PAX5: variants seen among roughly 807,000 people sequenced by gnomAD.
PAX5 encodes paired box 5.
Under a neutral mutation model 43.7 loss-of-function variants are expected in PAX5, and 9 were observed. That is an observed-to-expected ratio of 0.21 (90% CI 0.12 to 0.36). The LOEUF is 0.36. PAX5 is among the 10% of genes least tolerant of loss of function. PAX5 has a pLI of 1.00. For missense variants in PAX5, 383 were observed against 532.7 expected (o/e 0.72, Z 2.77); for synonymous variants, 228 against 214.3 (o/e 1.06, Z -0.56).
chr9:36,961,509 C>G (rs1439821122), intron 6 of PAX5, among the ~76,000 whole-genome samples: 1 of 152,234 alleles, frequency 6.6e-6, no homozygotes, highest in Admixed American at 6.5e-5. Context: ...GTTTCTATTA[C>G]AGCCAGGAGG....
In PAX5 at chr9:36,841,756, C is replaced by T. The variant is rs1822075519; in HGVS notation, c.1100-1120G>A. Among the ~76,000 whole-genome samples the T allele has an allele frequency of 2.0e-5, 3 of 152,194 alleles. No individual in the cohort carries two copies. In the South Asian group the frequency reaches 6.2e-4, roughly 32 times the overall value. On this transcript the variant is annotated intron_variant, in intron 9 of 9. Transcript: ENST00000358127. ...TTCATTCATTAACTCATTCATTCAC[C>T]ACTCATTTCCTGACCCTGCTGGGGG...
intron 6 of PAX5, among the ~76,000 whole-genome samples, chr9:36,964,213 G>A (rs567499324): frequency 1.3e-5 from 2 of 152,000 alleles, no homozygotes; most frequent in African/African-American, 4.8e-5. Flanking sequence ...CCCGGGAGGT[G>A]GAGCTTGCAG....
rs530478840 is a variant in PAX5 at position 36,839,692 on chromosome 9, C to T, written c.*868G>A. ...TTGGCTGGGATCAGATGATCTCCTG[C>T]GTCCCATCCAGCCCTCACATTCAAA... is the stretch of plus-strand genomic sequence containing the variant. On this transcript the variant is annotated 3_prime_UTR_variant, in exon 10 of 10. Transcript: ENST00000358127. 1.3e-4 allele frequency: 30 copies of T among 233,324 alleles called. No individual in the cohort carries two copies. The highest frequency in any genetic ancestry group is 2.6e-4 in the African/African-American group (12 of 45,458). 14.5% of individuals were successfully genotyped at this position (233,324 alleles called of 1,614,324 possible).
In PAX5 at chr9:36,882,037, AGCT is replaced by A; in HGVS notation, c.976_978del (p.Ser326del). On this transcript the variant is annotated inframe_deletion, in exon 8 of 10. Coordinates refer to ENST00000358127, the MANE Select transcript of PAX5 (RefSeq NM_016734.3). The surrounding 1 kb of genome is among the most constrained non-coding windows in gnomAD (Gnocchi z 4.4). The stretch of plus-strand genomic sequence containing the variant: ...ATCCCTGTCAGCGTCGGTGCTGAGT[AGCT>A]GCCCTGTCCAGCGGGGGGGACGTGT... 6.2e-7 allele frequency: 1 copy of A among 1,613,180 alleles called. No individual in the cohort carries two copies. Among genetic ancestry groups the A allele is most frequent in the Non-Finnish European group, 8.5e-7 (1 of 1,179,502 alleles).
chr9:36,855,176 G>A (rs1823543728), intron 8 of PAX5, among the ~76,000 whole-genome samples: 1 of 152,244 alleles, frequency 6.6e-6, no homozygotes, highest in African/African-American at 2.4e-5. Context: ...CCACCAGCTG[G>A]CCATCCATCA....
chr9:36,976,048 G>A (rs1350830510), intron 5 of PAX5, among the ~76,000 whole-genome samples: 2 of 152,154 alleles, frequency 1.3e-5, no homozygotes, highest in Admixed American at 6.5e-5. Flanking sequence ...CTCAGGAGTG[G>A]CTTCTATTAT....
chr9:36,840,831 C>T (rs753284892), intron 9 of PAX5, among the ~76,000 whole-genome samples, 195 bp from the exon 10 acceptor site: 16 of 152,180 alleles, frequency 1.1e-4, no homozygotes, highest in African/African-American at 1.4e-4. Flanking sequence ...CGAGGCTCTT[C>T]GCCATCTAGA....
At chr9:36,986,443 G>T (rs551603130) in intron 5 of PAX5, among the ~76,000 whole-genome samples, 1 of 151,984 alleles carries the variant, frequency 6.6e-6, no homozygotes, top group Non-Finnish European at 1.5e-5. Flanking sequence ...GCTTCCTGCC[G>T]CCAATGTCAA....
At chr9:37,009,773 C>T (rs1217962636) in intron 3 of PAX5, among the ~76,000 whole-genome samples, 1 of 141,634 alleles carries the variant, frequency 7.1e-6, no homozygotes, top group African/African-American at 2.8e-5. Context: ...CATACCTGTA[C>T]CAAAATATCT....
intron 1 of PAX5, among the ~76,000 whole-genome samples, chr9:37,023,039 T>G (rs1406472861): frequency 1.3e-5 from 2 of 151,924 alleles, no homozygotes; most frequent in African/African-American, 4.8e-5. Flanking sequence ...GTCCAAAGTC[T>G]GAATGAGGCG....
chr9:36,898,021 C>T (rs867208364), intron 7 of PAX5, among the ~76,000 whole-genome samples: 1 of 152,172 alleles, frequency 6.6e-6, no homozygotes, highest in African/African-American at 2.4e-5. Flanking sequence ...GCCTGTGCCT[C>T]GATGAGCCTT....
At chr9:36,946,065 GCGAC>G (rs2132082238) in intron 6 of PAX5, among the ~76,000 whole-genome samples, 1 of 152,292 alleles carries the variant, frequency 6.6e-6, no homozygotes, top group South Asian at 2.1e-4. Context: ...CCATCAGGAA[GCGAC>G]TCCCTGAGGA....
intron 6 of PAX5, among the ~76,000 whole-genome samples, chr9:36,938,812 A>G (rs1831783883): frequency 3.3e-5 from 5 of 152,208 alleles, no homozygotes; most frequent in Admixed American, 3.3e-4. Flanking sequence ...GTGCTAATTA[A>G]TATCCCCGGC....
intron 7 of PAX5, among the ~76,000 whole-genome samples, chr9:36,894,129 T>A (rs1470591929): frequency 6.6e-6 from 1 of 152,106 alleles, no homozygotes; most frequent in Non-Finnish European, 1.5e-5. Context: ...AACTGGCCGG[T>A]GAACATGGAA....
chr9:37,026,864 G>C (rs1840435944), intron 1 of PAX5: 1 of 319,912 alleles, frequency 3.1e-6, no homozygotes, highest in African/African-American at 2.2e-5. Flanking sequence ...CCCAGCCCGG[G>C]GTAGCTGCGG....
At chr9:36,972,745 A>AGGCTG (rs1222242219) in intron 5 of PAX5, among the ~76,000 whole-genome samples, 1 of 152,288 alleles carries the variant, frequency 6.6e-6, no homozygotes, top group African/African-American at 2.4e-5. Flanking sequence ...CTATGAAAAT[A>AGGCTG]GGCTGGGCAC....
intron 5 of PAX5, among the ~76,000 whole-genome samples, chr9:36,985,785 G>A (rs977656848): frequency 5.1e-4 from 78 of 152,322 alleles, no homozygotes; most frequent in African/African-American, 1.7e-3. Context: ...AGCCACAGCA[G>A]GTCACTGGAA....
At chr9:36,993,459 C>G (rs535979707) in intron 5 of PAX5, among the ~76,000 whole-genome samples, 33 of 148,252 alleles carry the variant, frequency 2.2e-4, no homozygotes, top group Non-Finnish European at 9.0e-5. Flanking sequence ...GAGATGGAAC[C>G]AGGAGAAACT....
chr9:36,999,697 T>C (rs2132375401), intron 5 of PAX5, among the ~76,000 whole-genome samples: 1 of 152,338 alleles, frequency 6.6e-6, no homozygotes, highest in Middle Eastern at 3.4e-3. Flanking sequence ...CTGCTGATGG[T>C]ACCGCACTGG....
Sources: gnomAD v4.1 joint callset for allele counts (sites outside exome capture counted in the v4.1 genomes callset) on GRCh38, gnomAD v4.1.1 for gene constraint, Gnocchi (gnomAD v3.1) non-coding constraint, MANE v1.5 for transcripts, NCBI Gene and HGNC (gene_info 2026-07-23, HGNC 2026-07-21) for gene names.